TENM3: variants seen among roughly 807,000 people sequenced by gnomAD.
TENM3 encodes the protein teneurin-3.
In TENM3, 63 loss-of-function variants were observed where a neutral mutation model predicts 255.1. The ratio of observed to expected loss-of-function variants is 0.25; its 90% CI spans 0.20 to 0.30. The LOEUF (loss-of-function observed/expected upper bound fraction) is 0.30. Ranked by LOEUF, TENM3 falls within the 10% of genes least tolerant of loss-of-function variation. The pLI, the probability that TENM3 is intolerant of heterozygous loss-of-function variation, is 1.00. For synonymous variants in TENM3, 1,306 were observed against 1,322.3 expected (o/e 0.99, Z 0.27); for missense variants, 2,929 against 3,461.1 (o/e 0.85, Z 3.86).
the TENM3 span, among the ~76,000 whole-genome samples, chr4:181,773,561 A>C: frequency 6.6e-6 from 1 of 152,194 alleles, no homozygotes; most frequent in African/African-American, 2.4e-5. Flanking sequence ...AGATTTTAGA[A>C]TATTGAGATG....
chr4:181,548,647 C>G, the TENM3 span, among the ~76,000 whole-genome samples: 1 of 151,900 alleles, frequency 6.6e-6, no homozygotes, highest in Non-Finnish European at 1.5e-5. Flanking sequence ...AAGATTAAAC[C>G]AAGAAAGAGG....
the TENM3 span, among the ~76,000 whole-genome samples, chr4:181,891,800 TTTTTG>T: frequency 6.6e-6 from 1 of 152,180 alleles, no homozygotes; most frequent in Non-Finnish European, 1.5e-5. Flanking sequence ...TTTGCCTAAC[TTTTTG>T]TTAGGATCTG....
intron 4 of TENM3, among the ~76,000 whole-genome samples, chr4:182,611,393 A>C (rs1748989105): frequency 6.6e-6 from 1 of 151,264 alleles, no homozygotes; most frequent in Admixed American, 6.6e-5. Context: ...TAATTATTAA[A>C]TATATATTTA....
At position 182,793,875 on chromosome 4, in the gene TENM3, T is replaced by C. The variant is rs762839523; in HGVS notation, c.7203T>C (p.Asp2401=). The C allele has an allele frequency of 6.2e-7, 1 of 1,606,050 alleles. No homozygotes were observed. Among genetic ancestry groups the C allele is most frequent in the Admixed American group, 1.7e-5 (1 of 59,354 alleles). ...CAAGCAAAATCCATGACGTGAAAGATTACATCACAGGTAAGCATTTTGATT... is the reference window on the plus strand; with the variant it reads ...CAAGCAAAATCCATGACGTGAAAGACTACATCACAGGTAAGCATTTTGATT... The part of the protein sequence containing the change: ...NPASKIHDVK[D]YITDVNSWLV... The change falls in exon 26 of 28, where the codon GAT becomes GAC. Residue 2401 remains aspartate (D), a synonymous_variant. Coordinates refer to ENST00000511685, the MANE Select transcript of TENM3 (RefSeq NM_001080477.4). The surrounding 1 kb of genome is among the most constrained non-coding windows in gnomAD (Gnocchi z 5.7).
chr4:182,668,813 A>T (rs963673258), intron 6 of TENM3, among the ~76,000 whole-genome samples: 8 of 152,216 alleles, frequency 5.3e-5, no homozygotes, highest in Non-Finnish European at 5.9e-5. Flanking sequence ...TAGAAATCAG[A>T]ACTTGGTTAC....
chr4:181,644,142 T>C, the TENM3 span, among the ~76,000 whole-genome samples: 2 of 150,044 alleles, frequency 1.3e-5, no homozygotes, highest in East Asian at 3.9e-4. Flanking sequence ...ACAAAGAGGC[T>C]AGAATTCAAA....
chr4:182,558,706 C>T (rs1348952060), intron 3 of TENM3, among the ~76,000 whole-genome samples: 1 of 152,146 alleles, frequency 6.6e-6, no homozygotes, highest in East Asian at 1.9e-4. Context: ...TAAAGTATTT[C>T]TCCTAATGTA....
chr4:181,904,269 TCG>T, the TENM3 span, among the ~76,000 whole-genome samples: 1 of 152,066 alleles, frequency 6.6e-6, no homozygotes, highest in Non-Finnish European at 1.5e-5. Context: ...CCTGACTCTC[TCG>T]TGCTTCTTCT....
chr4:182,139,320 G>A (rs1749230090), upstream of TENM3, among the ~76,000 whole-genome samples: 1 of 133,694 alleles, frequency 7.5e-6, no homozygotes, highest in Non-Finnish European at 1.6e-5. Flanking sequence ...ACCAAAGGGA[G>A]GAGAAAGAGT....
the TENM3 span, among the ~76,000 whole-genome samples, chr4:181,483,226 G>A: frequency 6.6e-6 from 1 of 152,074 alleles, no homozygotes; most frequent in Non-Finnish European, 1.5e-5. Context: ...GTTTTTGCCA[G>A]TTAATATTGC....
the TENM3 span, among the ~76,000 whole-genome samples, chr4:181,510,810 C>A: frequency 9.9e-5 from 15 of 152,272 alleles, no homozygotes; most frequent in African/African-American, 3.6e-4. Flanking sequence ...AAGGTTCATC[C>A]TTTTTCTCAC....
At chr4:182,552,130 C>G (rs989132254) in intron 3 of TENM3, among the ~76,000 whole-genome samples, 3 of 151,912 alleles carry the variant, frequency 2.0e-5, no homozygotes, top group Non-Finnish European at 4.4e-5. Context: ...GCTTTTTTCT[C>G]CTTTCTTGTT....
chr4:181,715,908 C>T, the TENM3 span, among the ~76,000 whole-genome samples: 6 of 152,214 alleles, frequency 3.9e-5, no homozygotes, highest in African/African-American at 1.4e-4. Context: ...ATTCCTCATA[C>T]AGATGATGCC....
intron 3 of TENM3, among the ~76,000 whole-genome samples, chr4:182,569,436 C>T (rs780493374): frequency 6.6e-6 from 1 of 151,954 alleles, no homozygotes; most frequent in East Asian, 1.9e-4. Context: ...TGCCTGTAAT[C>T]CCAGCTACTC....
chr4:182,705,167 C>T (rs1193613868), intron 12 of TENM3, among the ~76,000 whole-genome samples: 1 of 152,120 alleles, frequency 6.6e-6, no homozygotes, highest in Non-Finnish European at 1.5e-5. Flanking sequence ...TTAATATGTA[C>T]GTATTTGTAG....
At chr4:182,330,627 T>G (rs2150548633) in intron 2 of TENM3, among the ~76,000 whole-genome samples, 1 of 152,310 alleles carries the variant, frequency 6.6e-6, no homozygotes. Context: ...TGAAAGATAC[T>G]TAGGTAATGC....
the TENM3 span, among the ~76,000 whole-genome samples, chr4:181,813,121 C>T: frequency 2.6e-5 from 4 of 152,206 alleles, no homozygotes; most frequent in Admixed American, 2.6e-4. Context: ...CTGGCAGATT[C>T]TGCAACTGGT....
intron 3 of TENM3, among the ~76,000 whole-genome samples, chr4:182,469,619 CAAGAGAAT>C (rs1459062941): frequency 1.3e-5 from 2 of 150,674 alleles, no homozygotes; most frequent in Non-Finnish European, 1.5e-5. Context: ...GAGGCTGAGG[CAAGAGAAT>C]TGCTTGAACC....
At chr4:181,526,268 TA>T in the TENM3 span, among the ~76,000 whole-genome samples, 219 of 145,054 alleles carry the variant, frequency 1.5e-3, 1 homozygote, top group African/African-American at 3.0e-3. Flanking sequence ...GAATCCAAAT[TA>T]AAAAAAAAAA....
Sources: allele counts gnomAD v4.1 joint callset (sites outside exome capture counted in the v4.1 genomes callset), GRCh38; gene constraint gnomAD v4.1.1; non-coding constraint Gnocchi (gnomAD v3.1); transcripts MANE v1.5; gene names NCBI Gene and HGNC (gene_info 2026-07-23, HGNC 2026-07-21).